The following MKX variants were observed in gnomAD, a reference collection of about 807,000 sequenced individuals.
MKX encodes the protein mohawk homeobox, also known as homeobox protein Mohawk.
MKX carries 13 observed loss-of-function variants against 36.0 expected under a neutral mutation model. That is an observed-to-expected ratio of 0.36 (90% CI 0.24 to 0.57). MKX has a LOEUF of 0.57. MKX is among the 20% of genes least tolerant of loss of function. The pLI is 0.79. For missense variants in MKX, 458 were observed against 456.4 expected (o/e 1.00, Z -0.03); for synonymous variants, 176 against 178.3 (o/e 0.99, Z 0.10).
At chr10:27,730,744 C>G (rs1834606729) in intron 5 of MKX, among the ~76,000 whole-genome samples, 1 of 151,836 alleles carries the variant, frequency 6.6e-6, no homozygotes, top group African/African-American at 2.4e-5. Context: ...AGGTGTGAGT[C>G]ACCATGCCCG....
At position 27,744,719 on chromosome 10, in the gene MKX, C is replaced by T; in HGVS notation, c.-83+988G>A. 6.6e-6 allele frequency: 1 copy of T among 151,346 alleles called. No individual in the cohort carries two copies. The highest frequency in any genetic ancestry group is 2.2e-4 in the South Asian group (1 of 4,562). 9.4% of individuals were successfully genotyped at this position (151,346 alleles called of 1,614,324 possible). A position where few individuals can be genotyped will look rare whatever the true frequency, so the allele number is the denominator to read the frequency against. Reference sequence around the variant, plus strand: ...ACACACGCGCGCGCGCATACACACACACACACACACACACACACACACACA... The same window carrying T: ...ACACACGCGCGCGCGCATACACACATACACACACACACACACACACACACA... On this transcript the variant is annotated intron_variant, in intron 1 of 6. Transcript: ENST00000419761. The surrounding 1 kb of genome is among the most constrained non-coding windows in gnomAD (Gnocchi z 5.6).
chr10:27,681,185 G>T (rs188204785), intron 5 of MKX, among the ~76,000 whole-genome samples: 2 of 152,188 alleles, frequency 1.3e-5, no homozygotes, highest in Non-Finnish European at 2.9e-5. Context: ...GGTGGCTCAC[G>T]CCTGTAATCT....
chr10:27,711,421 T>C (rs1340704130), intron 5 of MKX, among the ~76,000 whole-genome samples: 2 of 150,122 alleles, frequency 1.3e-5, no homozygotes, highest in Non-Finnish European at 2.9e-5. Context: ...TCTTTCTTTC[T>C]TTCTTTTCTC....
chr10:27,734,375 TTAAAA>T, intron 5 of MKX, 76 bp downstream of exon 5: 2 of 1,277,118 alleles, frequency 1.6e-6, no homozygotes, highest in South Asian at 1.4e-5. Context: ...TTTATACCTG[TTAAAA>T]TAAATCCCTC....
rs573799658 is a variant in MKX at position 27,736,243 on chromosome 10, A to G, written c.349-869T>C. 1.6e-4 allele frequency among the ~76,000 whole-genome samples: 25 copies of G among 152,326 alleles called. No homozygotes were observed. The South Asian group carries it at 3.5e-3, about 21-fold the overall frequency. On this transcript the variant is annotated intron_variant, in intron 3 of 6. Coordinates refer to ENST00000419761, the MANE Select transcript of MKX (RefSeq NM_173576.3). ...CGCTTCCAAAAGAGGCGTTAGCAAA[A>G]CAGAGGTAGAACCATGGGTGAAGAG...
intron 5 of MKX, among the ~76,000 whole-genome samples, chr10:27,702,096 A>C (rs1836668971): frequency 1.3e-5 from 2 of 152,080 alleles, no homozygotes; most frequent in Non-Finnish European, 2.9e-5. Context: ...TTCTATTCAA[A>C]GTTAGCTGTA....
intron 1 of MKX, chr10:27,745,415 C>T (rs548050720): frequency 1.3e-5 from 2 of 152,850 alleles, no homozygotes; most frequent in African/African-American, 4.8e-5. Flanking sequence ...TCTCAAATCA[C>T]TTACCCCGAT....
At chr10:27,737,926 T>C (rs964310401) in intron 3 of MKX, among the ~76,000 whole-genome samples, 1 of 152,118 alleles carries the variant, frequency 6.6e-6, no homozygotes, top group African/African-American at 2.4e-5. Flanking sequence ...TTTAAAAAAG[T>C]AATACACTAC....
rs765891977 is a variant in MKX at position 27,741,533 on chromosome 10, G to A, written c.189-29C>T. The stretch of plus-strand genomic sequence containing the variant: ...GGACATGGGGAGAGGAGGCGGCCCT[G>A]GTGAGCGACGCGTTTGCCCGCCCGG... On this transcript the variant is annotated intron_variant, in intron 2 of 6. Coordinates refer to ENST00000419761, the MANE Select transcript of MKX (RefSeq NM_173576.3). The surrounding 1 kb of genome is among the most constrained non-coding windows in gnomAD (Gnocchi z 5.1). 6.5e-7 allele frequency: 1 copy of A among 1,543,078 alleles called. No homozygotes were observed. Among genetic ancestry groups the A allele is most frequent in the South Asian group, 1.2e-5 (1 of 82,492 alleles).
rs1451625104 is a variant in MKX, at chr10:27,674,991, A to G, written c.*238T>C. ...GAAGCAAGGCACTTACTGTAATGGTAATGCAGATGTTTTATGCATAGTTTG... is the reference window on the plus strand; with the variant it reads ...GAAGCAAGGCACTTACTGTAATGGTGATGCAGATGTTTTATGCATAGTTTG... On this transcript the variant is annotated 3_prime_UTR_variant, in exon 7 of 7. Transcript: ENST00000419761. The G allele has an allele frequency of 2.6e-6, 1 of 381,844 alleles. No individual in the cohort carries two copies. 23.7% of individuals were successfully genotyped at this position (381,844 alleles called of 1,614,324 possible).
Position 27,673,368 on chromosome 10 carries a change from A to G in MKX, c.*1861T>C, listed in dbSNP as rs1401195437. On this transcript the variant is annotated 3_prime_UTR_variant, in exon 7 of 7. Transcript: ENST00000419761. The stretch of plus-strand genomic sequence containing the variant: ...TCATTTAACTGAAATATGTCAAAAC[A>G]AAAACACTTTTATTAACATATTTAA... 1 of 152,644 alleles carries G rather than the reference A, an allele frequency of 6.6e-6. No individual in the cohort carries two copies. The highest frequency in any genetic ancestry group is 1.9e-4 in the East Asian group (1 of 5,202). 9.5% of individuals were successfully genotyped at this position (152,644 alleles called of 1,614,324 possible).
At chr10:27,711,499 T>TCTCTCTTCC (rs1554772224) in intron 5 of MKX, among the ~76,000 whole-genome samples, 15 of 93,074 alleles carry the variant, frequency 1.6e-4, no homozygotes, top group African/African-American at 7.2e-4. Context: ...CTCTCTCTTC[T>TCTCTCTTCC]TTCCTTCCTT....
rs778878185 is a variant in MKX, at chr10:27,743,298, G to T, written c.118C>A (p.Arg40Ser). Residue 40 changes from arginine to serine, a missense_variant, in exon 2 of 7, where the codon CGC becomes AGC. Arg to Ser is a moderately radical substitution (Grantham distance 110). Coordinates refer to ENST00000419761, the MANE Select transcript of MKX (RefSeq NM_173576.3). ...YSGVLDSPHA[R>S]PEVGIPDGPP... ...CCGTCGGGAATGCCCACCTCGGGGC[G>T]GGCGTGAGGACTGTCCAGGACACCG... is the stretch of plus-strand genomic sequence containing the variant. The T allele has an allele frequency of 1.3e-6, 2 of 1,553,090 alleles. No individual in the cohort carries two copies. The highest frequency in any genetic ancestry group is 1.7e-6 in the Non-Finnish European group (2 of 1,156,364).
intron 4 of MKX, 104 bp from the exon 5 acceptor site, chr10:27,734,895 A>C (rs1489200664): frequency 1.5e-6 from 1 of 658,142 alleles, no homozygotes; most frequent in East Asian, 3.3e-5. Context: ...AATATATTTA[A>C]AGTATATAAA....
chr10:27,694,318 G>C (rs1836509279), intron 5 of MKX, among the ~76,000 whole-genome samples: 2 of 151,900 alleles, frequency 1.3e-5, no homozygotes, highest in Non-Finnish European at 2.9e-5. Flanking sequence ...GAACAAACCA[G>C]ATCCATTTAT....
intron 5 of MKX, among the ~76,000 whole-genome samples, chr10:27,727,438 T>C (rs1345957703): frequency 6.6e-6 from 1 of 152,250 alleles, no homozygotes; most frequent in Non-Finnish European, 1.5e-5. Flanking sequence ...CCTGGTACAA[T>C]TGCATTTGAA....
chr10:27,679,550 G>A (rs1198081901), intron 5 of MKX, among the ~76,000 whole-genome samples: 4 of 152,326 alleles, frequency 2.6e-5, no homozygotes, highest in Admixed American at 6.5e-5. Flanking sequence ...GTGGAGTAAC[G>A]TGTTCTGGTT....
intron 5 of MKX, among the ~76,000 whole-genome samples, chr10:27,704,591 G>A (rs755438252): frequency 1.2e-4 from 18 of 152,156 alleles, no homozygotes; most frequent in Non-Finnish European, 2.2e-4. Flanking sequence ...TCCAATTAGG[G>A]AGGACAAGAA....
intron 5 of MKX, among the ~76,000 whole-genome samples, chr10:27,698,351 G>A (rs1836592657): frequency 6.6e-6 from 1 of 152,178 alleles, no homozygotes; most frequent in Admixed American, 6.5e-5. Flanking sequence ...TCTCGCCCTG[G>A]TGGAAGACCA....
Sources: gnomAD v4.1 joint callset for allele counts (sites outside exome capture counted in the v4.1 genomes callset) on GRCh38, gnomAD v4.1.1 for gene constraint, Gnocchi (gnomAD v3.1) non-coding constraint, MANE v1.5 for transcripts, NCBI Gene and HGNC (gene_info 2026-07-23, HGNC 2026-07-21) for gene names.